SNRK: variants seen among roughly 807,000 people sequenced by gnomAD.
SNRK encodes SNF related kinase.
A neutral mutation model predicts 48.2 loss-of-function variants in SNRK; 3 were observed. The ratio of observed to expected loss-of-function variants is 0.06; its 90% CI spans 0.03 to 0.16. The LOEUF (loss-of-function observed/expected upper bound fraction) is 0.16. Among genes scored for constraint, SNRK ranks in the 10% least tolerant of loss-of-function variants. The pLI is 1.00. For synonymous variants in SNRK, 376 were observed against 366.1 expected (o/e 1.03, Z -0.31); for missense variants, 627 against 976.0 (o/e 0.64, Z 4.76).
intron 3 of SNRK, among the ~76,000 whole-genome samples, chr3:43,314,555 C>T (rs1366084878): frequency 2.0e-5 from 3 of 152,092 alleles, no homozygotes; most frequent in Non-Finnish European, 4.4e-5. Flanking sequence ...ATAATAGCTC[C>T]TCAGTAGACT....
At chr3:43,341,393 C>T (rs900802921) in intron 5 of SNRK, among the ~76,000 whole-genome samples, 12 of 152,118 alleles carry the variant, frequency 7.9e-5, no homozygotes, top group South Asian at 2.1e-4. Flanking sequence ...CCTCGTGATC[C>T]GCCCGCCTTG....
At chr3:43,318,068 A>T (rs2091026539) in intron 3 of SNRK, among the ~76,000 whole-genome samples, 1 of 152,332 alleles carries the variant, frequency 6.6e-6, no homozygotes, top group South Asian at 2.1e-4. Context: ...CCAGAGGGAC[A>T]CTTAACATTA....
At chr3:43,312,367 G>A (rs989143363) in intron 3 of SNRK, among the ~76,000 whole-genome samples, 3 of 152,178 alleles carry the variant, frequency 2.0e-5, no homozygotes, top group African/African-American at 7.2e-5. Context: ...GTCATGGGGT[G>A]TGTCCTCACA....
At chr3:43,290,380 C>A (rs1393554604) in intron 1 of SNRK, among the ~76,000 whole-genome samples, 4 of 152,216 alleles carry the variant, frequency 2.6e-5, no homozygotes, top group Non-Finnish European at 5.9e-5. Flanking sequence ...AAATCCTCTA[C>A]TTTCTGCTAG....
chr3:43,337,764 G>A (rs1430708373), intron 4 of SNRK, among the ~76,000 whole-genome samples: 1 of 152,158 alleles, frequency 6.6e-6, no homozygotes, highest in Non-Finnish European at 1.5e-5. Flanking sequence ...GAAGGAAAAG[G>A]AACTTAGGAG....
intron 1 of SNRK, among the ~76,000 whole-genome samples, chr3:43,286,898 TGGCGGCGGGGC>T: frequency 7.1e-6 from 1 of 140,752 alleles, no homozygotes; most frequent in Middle Eastern, 3.5e-3. Flanking sequence ...CGGCGCGGCC[TGGCGGCGGGGC>T]GGCGGCGGGG....
Position 43,303,018 on chromosome 3 carries a change from A to G in SNRK, c.-106-80A>G. On this transcript the variant is annotated intron_variant, in intron 2 of 6. Coordinates refer to ENST00000296088, the MANE Select transcript of SNRK (RefSeq NM_017719.5). The surrounding 1 kb of genome is among the most constrained non-coding windows in gnomAD (Gnocchi z 6.2). Reference sequence around the variant, plus strand: ...TCTTCAAGTTTCTCTTAAAATGAAAAAAACAAAAAATGAAGTGATTTTAAA... The same window carrying G: ...TCTTCAAGTTTCTCTTAAAATGAAAGAAACAAAAAATGAAGTGATTTTAAA... 2.1e-6 allele frequency: 1 copy of G among 466,700 alleles called. No homozygotes were observed. Among genetic ancestry groups the G allele is most frequent in the Non-Finnish European group, 3.7e-6 (1 of 268,502 alleles). The allele number at this position is 466,700 out of a possible 1,614,324, so 28.9% of individuals were successfully genotyped here. A position where few individuals can be genotyped will look rare whatever the true frequency, so the allele number is the denominator to read the frequency against.
At chr3:43,305,480 A>ATTTT (rs35255577) in intron 3 of SNRK, among the ~76,000 whole-genome samples, 1 of 132,952 alleles carries the variant, frequency 7.5e-6, no homozygotes. Context: ...TTTATATACA[A>ATTTT]TTTTTTTTTT....
chr3:43,328,222 G>A lies in SNRK; in HGVS notation c.590-3947G>A, dbSNP rs80195320. ...CATTACACCCCCATCCCCCATTTAC[G>A]GTTTCAGTGATCCCTTGCAGTCTTA... On this transcript the variant is annotated intron_variant, in intron 3 of 6. Coordinates refer to ENST00000296088, the MANE Select transcript of SNRK (RefSeq NM_017719.5). Among the ~76,000 whole-genome samples, 162 of 151,620 alleles carry A rather than the reference G, an allele frequency of 1.1e-3. 1 individual carries two copies. The highest frequency in any genetic ancestry group is 3.6e-3 in the African/African-American group (148 of 41,354).
chr3:43,339,938 G>A (rs868701306), intron 4 of SNRK, among the ~76,000 whole-genome samples: 1 of 140,720 alleles, frequency 7.1e-6, no homozygotes, highest in Non-Finnish European at 1.5e-5. Context: ...AACAGAAGTG[G>A]GCTTGTATAC....
intron 3 of SNRK, among the ~76,000 whole-genome samples, chr3:43,309,620 T>TC (rs1387212470): frequency 6.6e-6 from 1 of 151,388 alleles, no homozygotes; most frequent in Non-Finnish European, 1.5e-5. Flanking sequence ...AGGTTTTTTT[T>TC]TTTTTTTATT....
intron 3 of SNRK, among the ~76,000 whole-genome samples, chr3:43,306,155 T>C (rs963811629): frequency 9.2e-5 from 14 of 152,176 alleles, no homozygotes; most frequent in Non-Finnish European, 2.1e-4. Context: ...ATAGGTAACT[T>C]TTTCATTTTC....
chr3:43,313,426 A>G (rs1207609016), intron 3 of SNRK, among the ~76,000 whole-genome samples: 1 of 152,234 alleles, frequency 6.6e-6, no homozygotes, highest in Non-Finnish European at 1.5e-5. Context: ...ATGGATTTCA[A>G]GGGGCAACAA....
At position 43,348,149 on chromosome 3, in the gene SNRK, C is replaced by G; in HGVS notation, c.1890C>G (p.Ser630Arg). ...SGTTRRCAGP[S>R]NSMQLASRSA... ...CCACACGCCGCTGTGCCGGCCCCAGCAACTCCATGCAGCTGGCCTCTCGCA... is the reference window on the plus strand; with the variant it reads ...CCACACGCCGCTGTGCCGGCCCCAGGAACTCCATGCAGCTGGCCTCTCGCA... The change falls in exon 7 of 7, where the codon AGC becomes AGG. Residue 630 changes from serine (S) to arginine (R), a missense_variant. Around this residue, in one of 4 missense-constraint regions of SNRK, gnomAD observed 207 missense variants for 234.3 expected, o/e 0.88. Coordinates refer to ENST00000296088, the MANE Select transcript of SNRK (RefSeq NM_017719.5). 1.9e-6 allele frequency: 3 copies of G among 1,580,114 alleles called. No homozygotes were observed. The highest frequency in any genetic ancestry group is 2.6e-6 in the Non-Finnish European group (3 of 1,164,186).
At position 43,297,282 on chromosome 3, in the gene SNRK, A is replaced by C. The variant is rs534199805; in HGVS notation, c.-168-2472A>C. ...CACTCGGACCTGATGAGAAGTCATC[A>C]TAGATGAGCGTATAGGTGATTTTTA... On this transcript the variant is annotated intron_variant, in intron 1 of 6. Transcript: ENST00000296088. Among the ~76,000 whole-genome samples, 11 of 152,346 alleles carry C rather than the reference A, an allele frequency of 7.2e-5. No homozygotes were observed. The East Asian group carries it at 1.9e-3, about 27-fold the overall frequency.
At chr3:43,332,582 C>G (rs1244753980) in intron 4 of SNRK, 1 of 226,798 alleles carries the variant, frequency 4.4e-6, no homozygotes, top group Non-Finnish European at 8.5e-6. Flanking sequence ...TTACATGCCT[C>G]TTCAACCTTC....
In SNRK at chr3:43,348,580, G is replaced by C. The variant is rs1401598574; in HGVS notation, c.*23G>C. ...TGACTGTGGCCCCATCTGGCCGCTA[G>C]CACGCTTCCTGCTCAGAGCAGTGAA... On this transcript the variant is annotated 3_prime_UTR_variant, in exon 7 of 7. Coordinates refer to ENST00000296088, the MANE Select transcript of SNRK (RefSeq NM_017719.5). 1.3e-6 allele frequency: 2 copies of C among 1,513,946 alleles called. No homozygotes were observed. The highest frequency in any genetic ancestry group is 1.8e-6 in the Non-Finnish European group (2 of 1,136,000). The allele number at this position is 1,513,946 out of a possible 1,614,324, so 93.8% of individuals were successfully genotyped here.
intron 3 of SNRK, among the ~76,000 whole-genome samples, chr3:43,330,263 C>A (rs1180876330): frequency 1.3e-5 from 2 of 151,086 alleles, no homozygotes. Context: ...CTTTTTTTTG[C>A]TGTGGAGGGA....
chr3:43,325,322 C>T (rs960106484), intron 3 of SNRK, among the ~76,000 whole-genome samples: 5 of 152,178 alleles, frequency 3.3e-5, no homozygotes, highest in East Asian at 3.9e-4. Context: ...CCCGCCACCG[C>T]GCCCGGCTAA....
Sources: gnomAD v4.1 joint callset for allele counts (sites outside exome capture counted in the v4.1 genomes callset) on GRCh38, gnomAD v4.1.1 for gene constraint, gnomAD v4.1.1 regional missense constraint, Gnocchi (gnomAD v3.1) non-coding constraint, MANE v1.5 for transcripts, NCBI Gene and HGNC (gene_info 2026-07-23, HGNC 2026-07-21) for gene names.